Variants in TMEM88 observed in about 807,000 individuals in gnomAD.
The protein encoded by TMEM88 is transmembrane protein 88.
In TMEM88, 8 loss-of-function variants were observed where a neutral mutation model predicts 10.0. That is an observed-to-expected ratio of 0.80 (90% CI 0.47 to 1.44). TMEM88 has a LOEUF of 1.44. Among genes scored for constraint, TMEM88 ranks in the 40% most tolerant of loss-of-function variants. The probability of loss-of-function intolerance (pLI) is 0.00; values close to 1 mark genes in which losing one functional copy is unlikely to be tolerated. For synonymous variants in TMEM88, 139 were observed against 104.9 expected, an observed-to-expected ratio of 1.33 and a Z score of -1.99; for missense variants, 255 against 217.8, an observed-to-expected ratio of 1.17 and a Z score of -1.07.
chr17:7,855,443 A>C lies in TMEM88; in HGVS notation c.211-2A>C. The stretch of plus-strand genomic sequence containing the variant: ...TTGGGCCTGACGCCTCTTCTCCCAC[A>C]GTTCCTGCGCTCCCAGGCACCCCCT... On this transcript the variant is annotated splice_acceptor_variant, in intron 1 of 1. Coordinates refer to ENST00000301599, the MANE Select transcript of TMEM88 (RefSeq NM_203411.2). LOFTEE classifies it high-confidence loss of function. 1 of 1,602,730 alleles carries C rather than the reference A, an allele frequency of 6.2e-7. No homozygotes were observed. Among genetic ancestry groups the C allele is most frequent in the Non-Finnish European group, 8.5e-7 (1 of 1,179,180 alleles).
chr17:7,855,474 C>G lies in TMEM88; in HGVS notation c.240C>G (p.Thr80=). Reference sequence around the variant, plus strand: ...TGCGCTCCCAGGCACCCCCTTGCACCGCGCACCTGCGGGACCCCGGTTTCA... The same window carrying G: ...TGCGCTCCCAGGCACCCCCTTGCACGGCGCACCTGCGGGACCCCGGTTTCA... ...QFLRSQAPPC[T]AHLRDPGFTA... The change falls in exon 2 of 2, where the codon ACC becomes ACG. Residue 80 remains threonine (T), a synonymous_variant. Transcript: ENST00000301599. The G allele has an allele frequency of 4.4e-6, 7 of 1,606,540 alleles. No homozygotes were observed. The highest frequency in any genetic ancestry group is 5.9e-6 in the Non-Finnish European group (7 of 1,179,888).
rs1048284078 is a variant in TMEM88, at chr17:7,855,398, C to T, written c.211-47C>T. 8 of 1,594,526 alleles carry T rather than the reference C, an allele frequency of 5.0e-6. No individual in the cohort carries two copies. The African/African-American group carries it at 1.1e-4, about 21-fold the overall frequency. On this transcript the variant is annotated intron_variant, in intron 1 of 1. Coordinates refer to ENST00000301599, the MANE Select transcript of TMEM88 (RefSeq NM_203411.2). ...CCGCCTGGGCTGTTTCCACCCCGTG[C>T]ACAGTATCGCCTGGTCGGCTTGGGC...
Position 7,856,039 on chromosome 17 carries a change from T to G in TMEM88, c.*325T>G, listed in dbSNP as rs2078804887. 23 of 1,075,408 alleles carry G rather than the reference T, an allele frequency of 2.1e-5. No homozygotes were observed. The highest frequency in any genetic ancestry group is 3.9e-5 in the Admixed American group (1 of 25,730). The allele number at this position is 1,075,408 out of a possible 1,614,324, so 66.6% of individuals were successfully genotyped here. On this transcript the variant is annotated 3_prime_UTR_variant, in exon 2 of 2. Coordinates refer to ENST00000301599, the MANE Select transcript of TMEM88 (RefSeq NM_203411.2). ...GCAGCTTCTCTAGTATTTCTGGGGCTGGGGGGCGGGGCTGGAGGGGAAGGA... is the reference window on the plus strand; with the variant it reads ...GCAGCTTCTCTAGTATTTCTGGGGCGGGGGGGCGGGGCTGGAGGGGAAGGA...
rs1176176795 is a variant in TMEM88, at chr17:7,855,580, C to T, written c.346C>T (p.Arg116Cys). 1 of 1,607,972 alleles carries T rather than the reference C, an allele frequency of 6.2e-7. No individual in the cohort carries two copies. Among genetic ancestry groups the T allele is most frequent in the African/African-American group, 1.3e-5 (1 of 75,030 alleles). Residue 116 changes from arginine to cysteine, a missense_variant, in exon 2 of 2, where the codon CGC becomes TGC. Physicochemically the swap from Arg to Cys is radical, Grantham distance 180. Transcript: ENST00000301599. ...GGCCAGCTACCGCCGCCTCTGCCTGCGCCTCCGCCTAGCCGATTGCCTCGT... is the reference window on the plus strand; with the variant it reads ...GGCCAGCTACCGCCGCCTCTGCCTGTGCCTCCGCCTAGCCGATTGCCTCGT... ...ALASYRRLCL[R>C]LRLADCLVPY... is the part of the protein sequence containing the mutation.
rs1419004303 is a variant in TMEM88 at position 7,855,684 on chromosome 17, C to T, written c.450C>T (p.Ala150=). ...TCCGGGCCTCACCAGGGTCCCAGGC[C>T]GTTCCCACATCAGGAAAGGTCTGGG... ...RQIRASPGSQ[A]VPTSGKVWV is the part of the protein sequence containing the mutation. Residue 150 remains alanine (A), a synonymous_variant, in exon 2 of 2, where the codon GCC becomes GCT. Transcript: ENST00000301599. 1.9e-6 allele frequency: 3 copies of T among 1,594,590 alleles called. No individual in the cohort carries two copies. Among genetic ancestry groups the T allele is most frequent in the Non-Finnish European group, 2.6e-6 (3 of 1,170,646 alleles).
rs201354502 is a variant in TMEM88 at position 7,855,214 on chromosome 17, T to G, written c.140T>G (p.Val47Gly). 48 of 1,608,858 alleles carry G rather than the reference T, an allele frequency of 3.0e-5. No homozygotes were observed. In the East Asian group the frequency reaches 1.1e-3, roughly 35 times the overall value. The change falls in exon 1 of 2, where the codon GTG becomes GGG. Residue 47 changes from valine (V) to glycine (G), a missense_variant. By Grantham distance (109) the Val-to-Gly change is moderately radical. Transcript: ENST00000301599. ...LVAAFNLLLL[V>G]LVLGTILLPA... The stretch of plus-strand genomic sequence containing the variant: ...GCTGCCTTCAATCTTCTCCTGCTGG[T>G]GCTGGTGCTAGGGACCATCTTGCTA...
Position 7,856,013 on chromosome 17 carries a change from T to A in TMEM88, c.*299T>A, listed in dbSNP as rs1455882308. ...ACAATCTCGTGCCCTCGTTTTATGGTGCAGCTTCTCTAGTATTTCTGGGGC... is the reference window on the plus strand; with the variant it reads ...ACAATCTCGTGCCCTCGTTTTATGGAGCAGCTTCTCTAGTATTTCTGGGGC... On this transcript the variant is annotated 3_prime_UTR_variant, in exon 2 of 2. Coordinates refer to ENST00000301599, the MANE Select transcript of TMEM88 (RefSeq NM_203411.2). 8.0e-7 allele frequency: 1 copy of A among 1,255,378 alleles called. No individual in the cohort carries two copies. The highest frequency in any genetic ancestry group is 1.6e-5 in the African/African-American group (1 of 64,494). The allele number at this position is 1,255,378 out of a possible 1,614,324, so 77.8% of individuals were successfully genotyped here.
intron 1 of TMEM88, 55 bp downstream of exon 1, chr17:7,855,339 G>A (rs2078792465): frequency 6.3e-7 from 1 of 1,588,860 alleles, no homozygotes; most frequent in Non-Finnish European, 8.5e-7. Flanking sequence ...GTGTGGTGAT[G>A]CTGGCGGTGG....
At position 7,855,923 on chromosome 17, in the gene TMEM88, C is replaced by T. The variant is rs1597868210; in HGVS notation, c.*209C>T. ...CCCACTTTCCTTTCACGACCCACAT[C>T]TCAATCCTGAACATCTAGGCTGGAA... On this transcript the variant is annotated 3_prime_UTR_variant, in exon 2 of 2. Coordinates refer to ENST00000301599, the MANE Select transcript of TMEM88 (RefSeq NM_203411.2). 4 of 1,380,310 alleles carry T rather than the reference C, an allele frequency of 2.9e-6. No homozygotes were observed. Among genetic ancestry groups the T allele is most frequent in the East Asian group, 2.7e-5 (1 of 36,750 alleles). The allele number at this position is 1,380,310 out of a possible 1,614,324, so 85.5% of individuals were successfully genotyped here.
intron 1 of TMEM88, 39 bp downstream of exon 1, chr17:7,855,323 G>T: frequency 6.3e-7 from 1 of 1,590,148 alleles, no homozygotes; most frequent in African/African-American, 1.3e-5. Flanking sequence ...GAGTGTGAGT[G>T]TTGGTGTGTG....
rs1191119694 is a variant in TMEM88, at chr17:7,855,104, G to A, written c.30G>A (p.Ala10=). 1 of 1,606,326 alleles carries A rather than the reference G, an allele frequency of 6.2e-7. No individual in the cohort carries two copies. Among genetic ancestry groups the A allele is most frequent in the African/African-American group, 1.3e-5 (1 of 74,822 alleles). MADVPGAQR[A]VPGDGPEPRD... Reference sequence around the variant, plus strand: ...CGGATGTCCCCGGGGCACAGCGAGCGGTTCCTGGTGACGGCCCAGAGCCCC... The same window carrying A: ...CGGATGTCCCCGGGGCACAGCGAGCAGTTCCTGGTGACGGCCCAGAGCCCC... Residue 10 remains alanine, a synonymous_variant, in exon 1 of 2, where the codon GCG becomes GCA. Coordinates refer to ENST00000301599, the MANE Select transcript of TMEM88 (RefSeq NM_203411.2).
rs1398002961 is a variant in TMEM88 at position 7,855,409 on chromosome 17, C to T, written c.211-36C>T. On this transcript the variant is annotated intron_variant, in intron 1 of 1. Coordinates refer to ENST00000301599, the MANE Select transcript of TMEM88 (RefSeq NM_203411.2). ...GTTTCCACCCCGTGCACAGTATCGC[C>T]TGGTCGGCTTGGGCCTGACGCCTCT... 3 of 1,597,620 alleles carry T rather than the reference C, an allele frequency of 1.9e-6. No homozygotes were observed. The South Asian group carries it at 3.3e-5, about 18-fold the overall frequency.
In TMEM88 at chr17:7,855,665, C is replaced by T. The variant is rs758237950; in HGVS notation, c.431C>T (p.Ala144Val). The T allele has an allele frequency of 1.2e-6, 2 of 1,604,720 alleles. No homozygotes were observed. Among genetic ancestry groups the T allele is most frequent in the Admixed American group, 3.4e-5 (2 of 59,228 alleles). Reference protein sequence around the residue: ...RRAPQPRQIRASPGSQAVPTS... With the variant: ...RRAPQPRQIRVSPGSQAVPTS... ...GCCCCGCAGCCGCGGCAAATCCGGG[C>T]CTCACCAGGGTCCCAGGCCGTTCCC... The change falls in exon 2 of 2, where the codon GCC becomes GTC. Residue 144 changes from alanine to valine, a missense_variant. Transcript: ENST00000301599.
chr17:7,855,156 G>C lies in TMEM88; in HGVS notation c.82G>C (p.Ala28Pro). 1.2e-6 allele frequency: 2 copies of C among 1,611,638 alleles called. No homozygotes were observed. The highest frequency in any genetic ancestry group is 1.7e-6 in the Non-Finnish European group (2 of 1,179,520). Residue 28 changes from alanine (A) to proline (P), a missense_variant, in exon 1 of 2, where the codon GCT becomes CCT. Ala to Pro is a conservative substitution (Grantham distance 27). Coordinates refer to ENST00000301599, the MANE Select transcript of TMEM88 (RefSeq NM_203411.2). ...PRDPLDCWAC[A>P]VLVTAQNLLV... The stretch of plus-strand genomic sequence containing the variant: ...GGACCCCCTGGACTGTTGGGCCTGC[G>C]CTGTTCTTGTAACAGCCCAGAATCT...
chr17:7,855,903 T>C lies in TMEM88; in HGVS notation c.*189T>C. 7.2e-7 allele frequency: 1 copy of C among 1,389,568 alleles called. No homozygotes were observed. Among genetic ancestry groups the C allele is most frequent in the Non-Finnish European group, 9.3e-7 (1 of 1,075,220 alleles). The allele number at this position is 1,389,568 out of a possible 1,614,324, so 86.1% of individuals were successfully genotyped here. On this transcript the variant is annotated 3_prime_UTR_variant, in exon 2 of 2. Transcript: ENST00000301599. ...AGCCCCCACATCCCGGAAAACCCAC[T>C]TTCCTTTCACGACCCACATCTCAAT...
At position 7,855,906 on chromosome 17, in the gene TMEM88, C is replaced by G. The variant is rs149603838; in HGVS notation, c.*192C>G. 136 of 1,391,286 alleles carry G rather than the reference C, an allele frequency of 9.8e-5. No individual in the cohort carries two copies. In the African/African-American group the frequency reaches 1.7e-3, roughly 17 times the overall value. 86.2% of individuals were successfully genotyped at this position (1,391,286 alleles called of 1,614,324 possible). On this transcript the variant is annotated 3_prime_UTR_variant, in exon 2 of 2. Coordinates refer to ENST00000301599, the MANE Select transcript of TMEM88 (RefSeq NM_203411.2). ...CCCCACATCCCGGAAAACCCACTTT[C>G]CTTTCACGACCCACATCTCAATCCT... is the stretch of plus-strand genomic sequence containing the variant.
chr17:7,855,153 T>G lies in TMEM88; in HGVS notation c.79T>G (p.Cys27Gly). ...EPRDPLDCWA[C>G]AVLVTAQNLL... ...CCGGGACCCCCTGGACTGTTGGGCC[T>G]GCGCTGTTCTTGTAACAGCCCAGAA... Residue 27 changes from cysteine (C) to glycine (G), a missense_variant, in exon 1 of 2, where the codon TGC becomes GGC. Coordinates refer to ENST00000301599, the MANE Select transcript of TMEM88 (RefSeq NM_203411.2). 1 of 1,611,946 alleles carries G rather than the reference T, an allele frequency of 6.2e-7. No homozygotes were observed. Among genetic ancestry groups the G allele is most frequent in the Non-Finnish European group, 8.5e-7 (1 of 1,179,606 alleles).
Position 7,855,206 on chromosome 17 carries a change from CCTG to C in TMEM88, c.136_138del (p.Leu46del). Reference sequence around the variant, plus strand: ...TGCTGGTGGCTGCCTTCAATCTTCTCCTGCTGGTGCTGGTGCTAGGGACCATCT... The same window carrying C: ...TGCTGGTGGCTGCCTTCAATCTTCTCCTGGTGCTGGTGCTAGGGACCATCT... On this transcript the variant is annotated inframe_deletion, in exon 1 of 2. Coordinates refer to ENST00000301599, the MANE Select transcript of TMEM88 (RefSeq NM_203411.2). The C allele has an allele frequency of 6.2e-7, 1 of 1,609,422 alleles. No individual in the cohort carries two copies. The highest frequency in any genetic ancestry group is 8.5e-7 in the Non-Finnish European group (1 of 1,178,326).
Position 7,855,585 on chromosome 17 carries a change from C to G in TMEM88, c.351C>G (p.Leu117=). The G allele has an allele frequency of 6.2e-7, 1 of 1,608,254 alleles. No homozygotes were observed. The highest frequency in any genetic ancestry group is 8.5e-7 in the Non-Finnish European group (1 of 1,179,864). Reference sequence around the variant, plus strand: ...GCTACCGCCGCCTCTGCCTGCGCCTCCGCCTAGCCGATTGCCTCGTGCCCT... The same window carrying G: ...GCTACCGCCGCCTCTGCCTGCGCCTGCGCCTAGCCGATTGCCTCGTGCCCT... ...LASYRRLCLR[L]RLADCLVPYS... The change falls in exon 2 of 2, where the codon CTC becomes CTG. Residue 117 remains leucine (L), a synonymous_variant. Transcript: ENST00000301599.
Sources: gnomAD v4.1 joint callset for allele counts on GRCh38, gnomAD v4.1.1 for gene constraint, MANE v1.5 for transcripts, NCBI Gene and HGNC (gene_info 2026-07-23, HGNC 2026-07-21) for gene names.